Variants in KIF11 observed in about 807,000 individuals in gnomAD.
KIF11 encodes the protein kinesin-like protein KIF11.
Under a neutral mutation model 121.0 loss-of-function variants are expected in KIF11, and 9 were observed. The observed-to-expected ratio is 0.07, with a 90% CI of 0.04 to 0.13. KIF11 has a LOEUF of 0.13. Ranked by LOEUF, KIF11 falls within the 10% of genes least tolerant of loss-of-function variation. The pLI is 1.00. For missense variants in KIF11, 846 were observed against 1,217.5 expected (o/e 0.69, Z 4.54); for synonymous variants, 408 against 421.0 (o/e 0.97, Z 0.38).
At chr10:92,633,398 T>C (rs1047584432) in intron 13 of KIF11, among the ~76,000 whole-genome samples, 1 of 152,146 alleles carries the variant, frequency 6.6e-6, no homozygotes, top group Non-Finnish European at 1.5e-5. Context: ...ATTATAGTTA[T>C]GGGTCTGATA....
At position 92,613,713 on chromosome 10, in the gene KIF11, G is replaced by C. The variant is rs893305782; in HGVS notation, c.1032+94G>C. On this transcript the variant is annotated intron_variant, in intron 8 of 21. Transcript: ENST00000260731. The surrounding 1 kb of genome is among the most constrained non-coding windows in gnomAD (Gnocchi z 4.2). ...AAGTTCATTTACTAGGATGGACACA[G>C]TGACTCACACCTGTAAACCCAGCAC... is the stretch of plus-strand genomic sequence containing the variant. 2 of 1,223,448 alleles carry C rather than the reference G, an allele frequency of 1.6e-6. No homozygotes were observed. Among genetic ancestry groups the C allele is most frequent in the Admixed American group, 2.4e-5 (1 of 41,172 alleles). The allele number at this position is 1,223,448 out of a possible 1,614,324, so 75.8% of individuals were successfully genotyped here.
At chr10:92,623,039 G>A (rs1190326950) in intron 10 of KIF11, among the ~76,000 whole-genome samples, 1 of 152,156 alleles carries the variant, frequency 6.6e-6, no homozygotes, top group Admixed American at 6.5e-5. Context: ...AACATGTGGG[G>A]ATTATAATTC....
At chr10:92,646,966 C>T (rs1185917074) in intron 18 of KIF11, among the ~76,000 whole-genome samples, 1 of 152,034 alleles carries the variant, frequency 6.6e-6, no homozygotes, top group Admixed American at 6.6e-5. Context: ...TAAAATAACC[C>T]CTGTGGATGT....
rs770517934 is a variant in KIF11, at chr10:92,593,155, G to A, written c.-221G>A. The stretch of plus-strand genomic sequence containing the variant: ...AGTTTCTGGGGATTCGGGCGGAGAC[G>A]AGATTAGTGATTTGGCGGCTCCGAC... On this transcript the variant is annotated 5_prime_UTR_variant, in exon 1 of 22. Transcript: ENST00000260731. 65 of 517,502 alleles carry A rather than the reference G, an allele frequency of 1.3e-4. No individual in the cohort carries two copies. Among genetic ancestry groups the A allele is most frequent in the Non-Finnish European group, 1.9e-4 (54 of 287,380 alleles). 32.1% of individuals were successfully genotyped at this position (517,502 alleles called of 1,614,324 possible).
chr10:92,630,588 C>G (rs1036802484), intron 12 of KIF11, among the ~76,000 whole-genome samples: 1 of 152,212 alleles, frequency 6.6e-6, no homozygotes, highest in Admixed American at 6.5e-5. Flanking sequence ...CATAACTTAG[C>G]TGGGAGTGGT....
At chr10:92,605,701 G>A (rs1844423087) in intron 1 of KIF11, among the ~76,000 whole-genome samples, 1 of 151,994 alleles carries the variant, frequency 6.6e-6, no homozygotes, top group African/African-American at 2.4e-5. Context: ...GGTCAGGCTG[G>A]TCTCGAACTC....
chr10:92,607,727 A>G (rs1554859439), intron 4 of KIF11, among the ~76,000 whole-genome samples: 1 of 152,228 alleles, frequency 6.6e-6, no homozygotes, highest in Non-Finnish European at 1.5e-5. Flanking sequence ...TTTAATAACT[A>G]AGAGAGAGAA....
chr10:92,648,989 T>TAC (rs1844951589), intron 19 of KIF11, among the ~76,000 whole-genome samples: 1 of 152,212 alleles, frequency 6.6e-6, no homozygotes, highest in Admixed American at 6.5e-5. Flanking sequence ...CAAGCTGTTT[T>TAC]ACACAGCATG....
Position 92,593,283 on chromosome 10 carries a change from G to A in KIF11, c.-93G>A. 1 of 1,338,938 alleles carries A rather than the reference G, an allele frequency of 7.5e-7. No homozygotes were observed. Among genetic ancestry groups the A allele is most frequent in the Admixed American group, 2.1e-5 (1 of 46,648 alleles). 82.9% of individuals were successfully genotyped at this position (1,338,938 alleles called of 1,614,324 possible). On this transcript the variant is annotated 5_prime_UTR_variant, in exon 1 of 22. Coordinates refer to ENST00000260731, the MANE Select transcript of KIF11 (RefSeq NM_004523.4). ...CCACGCCAGCGCCCGAGAGGGACCA[G>A]GGAGACTCCGGCCCCTGTCGGCCGC...
chr10:92,595,102 T>C (rs924310315), intron 1 of KIF11, among the ~76,000 whole-genome samples: 7 of 152,224 alleles, frequency 4.6e-5, no homozygotes, highest in African/African-American at 1.7e-4. Flanking sequence ...CTCGCTCTCT[T>C]AGGCCGTAGT....
At chr10:92,616,664 A>G (rs1844560488) in intron 8 of KIF11, 73 bp from the exon 9 acceptor site, 1 of 743,170 alleles carries the variant, frequency 1.3e-6, no homozygotes, top group African/African-American at 1.8e-5. Context: ...GTTATTATAT[A>G]ACATATTTTA....
chr10:92,641,838 A>T (rs907777561), intron 17 of KIF11, among the ~76,000 whole-genome samples: 1 of 152,122 alleles, frequency 6.6e-6, no homozygotes, highest in Non-Finnish European at 1.5e-5. Flanking sequence ...TTTCTTATAG[A>T]TACATATATT....
Position 92,613,169 on chromosome 10 carries a change from C to G in KIF11, c.789+39C>G, listed in dbSNP as rs745690233. On this transcript the variant is annotated intron_variant, in intron 7 of 21. Transcript: ENST00000260731. The surrounding 1 kb of genome is among the most constrained non-coding windows in gnomAD (Gnocchi z 4.2). Reference sequence around the variant, plus strand: ...TTAATACTACTGTTTCACTCTTAAACACCTTATAGAGCAGCTTGAAATTTT... The same window carrying G: ...TTAATACTACTGTTTCACTCTTAAAGACCTTATAGAGCAGCTTGAAATTTT... 5.4e-6 allele frequency: 8 copies of G among 1,468,524 alleles called. No individual in the cohort carries two copies. The Admixed American group carries it at 7.3e-5, about 13-fold the overall frequency. The allele number at this position is 1,468,524 out of a possible 1,614,324, so 91.0% of individuals were successfully genotyped here.
intron 11 of KIF11, 71 bp downstream of exon 11, chr10:92,628,966 T>A (rs986742961): frequency 6.3e-4 from 446 of 711,976 alleles, no homozygotes; most frequent in Middle Eastern, 1.2e-3. Flanking sequence ...GAATGAAAGA[T>A]CTAATATTTT....
intron 4 of KIF11, among the ~76,000 whole-genome samples, chr10:92,608,010 C>T (rs964220151): frequency 4.0e-5 from 6 of 149,946 alleles, no homozygotes; most frequent in African/African-American, 1.5e-4. Flanking sequence ...CAAAAATTAG[C>T]TGGGTGTGGT....
Position 92,639,809 on chromosome 10 carries a change from A to G in KIF11, c.2176A>G (p.Met726Val), listed in dbSNP as rs922798166. The G allele has an allele frequency of 3.1e-6, 5 of 1,607,624 alleles. No homozygotes were observed. Among genetic ancestry groups the G allele is most frequent in the East Asian group, 2.2e-5 (1 of 44,704 alleles). Residue 726 changes from methionine to valine, a missense_variant, in exon 17 of 22, where the codon ATG (methionine) becomes GTG (valine). By Grantham distance (21) the Met-to-Val change is conservative. Transcript: ENST00000260731. The part of the protein sequence containing the change: ...QTHSQELCKL[M>V]NLWTERFCAL... ...TTTCTTACAGGAACTTTGCAAGTTA[A>G]TGAATCTTTGGACAGAGAGATTCTG...
Position 92,609,209 on chromosome 10 carries a change from A to T in KIF11, c.573+4A>T. ...GTTTGATGATCCCCGTAACAAGGTA[A>T]TTCAGTCTTTGAGAATGAAATGTCT... On this transcript the variant is annotated splice_donor_region_variant and intron_variant, in intron 5 of 21. Transcript: ENST00000260731. The T allele has an allele frequency of 6.4e-7, 1 of 1,558,616 alleles. No individual in the cohort carries two copies.
At chr10:92,602,825 C>CGTGTGTGTGTGTGTGTGT (rs3980475) in intron 1 of KIF11, among the ~76,000 whole-genome samples, 8 of 122,440 alleles carry the variant, frequency 6.5e-5, no homozygotes, top group African/African-American at 2.5e-4. Context: ...CACACACACA[C>CGTGTGTGTGTGTGTGTGT]GTGTGTGTGT....
chr10:92,597,688 G>C (rs1050381595), intron 1 of KIF11, among the ~76,000 whole-genome samples: 2 of 151,796 alleles, frequency 1.3e-5, no homozygotes, highest in Non-Finnish European at 2.9e-5. Context: ...TTTTGCTCTC[G>C]TTGCCTAGGC....
Sources: gnomAD v4.1 joint callset for allele counts (sites outside exome capture counted in the v4.1 genomes callset) on GRCh38, gnomAD v4.1.1 for gene constraint, Gnocchi (gnomAD v3.1) non-coding constraint, MANE v1.5 for transcripts, NCBI Gene and HGNC (gene_info 2026-07-23, HGNC 2026-07-21) for gene names.